The following ATP6AP1 variants were observed in gnomAD, a reference collection of about 807,000 sequenced individuals.
ATP6AP1 encodes the protein V-type proton ATPase subunit S1.
Under a neutral mutation model 32.0 loss-of-function variants are expected in ATP6AP1, and 1 was observed. The ratio of observed to expected loss-of-function variants is 0.03; its 90% CI spans 0.01 to 0.15. ATP6AP1 has a LOEUF of 0.15. Ranked by LOEUF, ATP6AP1 falls within the 10% of genes least tolerant of loss-of-function variation. The pLI, the probability that ATP6AP1 is intolerant of heterozygous loss-of-function variation, is 1.00. For synonymous variants in ATP6AP1, 187 were observed against 174.9 expected, an observed-to-expected ratio of 1.07 and a Z score of -0.55; for missense variants, 297 against 398.8, an observed-to-expected ratio of 0.74 and a Z score of 2.17.
In ATP6AP1 at chrX:154,431,548, G is replaced by A. The variant is rs138749763; in HGVS notation, c.289-282G>A. On this transcript the variant is annotated intron_variant, in intron 2 of 9. Coordinates refer to ENST00000369762, the MANE Select transcript of ATP6AP1 (RefSeq NM_001183.6). ...CTCTTGTCTGTAGGGTGGGCAAGGC[G>A]GCTGACTCCTACTCCTGAGTTACCA... The A allele has an allele frequency of 8.0e-3, 2,195 of 273,083 alleles. 61 individuals carry two copies. Among genetic ancestry groups the A allele is most frequent in the African/African-American group, 0.06 (2,056 of 34,074 alleles). The allele number at this position is 273,083 out of a possible 1,213,427, so 22.5% of individuals were successfully genotyped here. A position where few individuals can be genotyped will look rare whatever the true frequency, so the allele number is the denominator to read the frequency against.
intron 5 of ATP6AP1, among the ~76,000 whole-genome samples, chrX:154,433,220 A>C (rs868929095): frequency 2.7e-5 from 3 of 112,117 alleles, no homozygotes; most frequent in Non-Finnish European, 5.6e-5. Context: ...CTGTGGAGCC[A>C]GTTTCTGTGC....
chrX:154,429,183 GC>G lies in ATP6AP1; in HGVS notation c.288+13del. On this transcript the variant is annotated intron_variant, in intron 2 of 9. Coordinates refer to ENST00000369762, the MANE Select transcript of ATP6AP1 (RefSeq NM_001183.6). ...TGTTCCTGCAGGACAAGGTGCGCCC[GC>G]CCCAGCCCACTCTCCCCCGGTCATC... The G allele has an allele frequency of 8.3e-7, 1 of 1,209,314 alleles. No homozygotes were observed. The highest frequency in any genetic ancestry group is 1.1e-6 in the Non-Finnish European group (1 of 894,217).
At chrX:154,431,588 G>A (rs782763693) in intron 2 of ATP6AP1, 15 of 385,048 alleles carry the variant, frequency 3.9e-5, no homozygotes, top group Non-Finnish European at 6.7e-5. Flanking sequence ...TCAGCTGCCT[G>A]CAGATCTCCC....
Position 154,431,431 on chromosome X carries a change from C to T in ATP6AP1, c.289-399C>T, listed in dbSNP as rs199721243. ...GGGTCCCGTCCAGACTGGACATAGCCGACTCTCCTTTTCTCTGGCTGGGAG... is the reference window on the plus strand; with the variant it reads ...GGGTCCCGTCCAGACTGGACATAGCTGACTCTCCTTTTCTCTGGCTGGGAG... On this transcript the variant is annotated intron_variant, in intron 2 of 9. Coordinates refer to ENST00000369762, the MANE Select transcript of ATP6AP1 (RefSeq NM_001183.6). 1.4e-4 allele frequency: 24 copies of T among 174,966 alleles called. No homozygotes were observed. In the East Asian group the frequency reaches 2.8e-3, roughly 20 times the overall value. The allele number at this position is 174,966 out of a possible 1,213,427, so 14.4% of individuals were successfully genotyped here. A position where few individuals can be genotyped will look rare whatever the true frequency, so the allele number is the denominator to read the frequency against.
At position 154,435,333 on chromosome X, in the gene ATP6AP1, G is replaced by T. The variant is rs781936333; in HGVS notation, c.1031G>T (p.Arg344Leu). The T allele has an allele frequency of 2.5e-6, 3 of 1,211,885 alleles. No individual in the cohort carries two copies. Among genetic ancestry groups the T allele is most frequent in the East Asian group, 5.9e-5 (2 of 33,851 alleles). ...GCCCGGCACTGGTTTACCATGGAGC[G>T]CCTCGAAGTCCACAGCAATGGCTCC... ...VSARHWFTME[R>L]LEVHSNGSVA... Residue 344 changes from arginine to leucine, a missense_variant, in exon 9 of 10, where the codon CGC becomes CTC. Physicochemically the swap from Arg to Leu is moderately radical, Grantham distance 102. This residue lies in a region of ATP6AP1 where 155 missense variants were observed against 253.8 expected (regional missense o/e 0.61). Transcript: ENST00000369762.
At chrX:154,434,164 T>C (rs782103425) in intron 6 of ATP6AP1, 44 bp from the exon 7 acceptor site, 1 of 1,171,126 alleles carries the variant, frequency 8.5e-7, no homozygotes, top group African/African-American at 1.8e-5. Flanking sequence ...AGTGTGACAC[T>C]CTCCCAGGGC....
intron 5 of ATP6AP1, 65 bp from the exon 6 acceptor site, chrX:154,433,570 G>C (rs2068704869): frequency 9.5e-7 from 1 of 1,048,018 alleles, no homozygotes; most frequent in Non-Finnish European, 1.3e-6. Context: ...AGCAGACAGT[G>C]GGGAGTGTTT....
At chrX:154,435,645 A>G in intron 9 of ATP6AP1, 37 bp from the exon 10 acceptor site, 1 of 1,202,970 alleles carries the variant, frequency 8.3e-7, no homozygotes, top group Middle Eastern at 2.3e-4. Flanking sequence ...TGGGCCTCCC[A>G]ACGGTCCTTT....
rs113612593 is a variant in ATP6AP1 at position 154,435,026 on chromosome X, G to A, written c.924-113G>A. 98,096 of 823,745 alleles carry A rather than the reference G, an allele frequency of 0.12. 4,551 individuals carry two copies. The highest frequency in any genetic ancestry group is 0.2 in the African/African-American group (9,570 of 47,440). The allele number at this position is 823,745 out of a possible 1,213,427, so 67.9% of individuals were successfully genotyped here. On this transcript the variant is annotated intron_variant, in intron 7 of 9. Transcript: ENST00000369762. ...AGTGGGGACACTGCTTCTTCAGGTG[G>A]CTGCAAGGACCCAAGGCAGCTTAGG...
intron 2 of ATP6AP1, chrX:154,430,057 C>G (rs2068685421): frequency 9.0e-6 from 1 of 111,151 alleles, no homozygotes; most frequent in Admixed American, 9.5e-5. Context: ...GTTTCTACAT[C>G]TGTAAAATGA....
chrX:154,432,316 G>A lies in ATP6AP1; in HGVS notation c.414G>A (p.Trp138Ter). The stretch of plus-strand genomic sequence containing the variant: ...CACTGGTGCTTCCTGCCGTCGACTG[G>A]TATGCAGTCAGCACTCTGACCACTT... ...PSSLVLPAVDWYAVSTLTTYL... is the reference protein window; with the variant it reads ...PSSLVLPAVD Residue 138 changes from tryptophan (W) to a stop codon, truncating the protein, a stop_gained, in exon 4 of 10, where the codon TGG (tryptophan) becomes TGA (stop). Coordinates refer to ENST00000369762, the MANE Select transcript of ATP6AP1 (RefSeq NM_001183.6). LOFTEE classifies it high-confidence loss of function. 1 of 1,212,192 alleles carries A rather than the reference G, an allele frequency of 8.2e-7. No homozygotes were observed. The highest frequency in any genetic ancestry group is 1.1e-6 in the Non-Finnish European group (1 of 895,511).
At position 154,435,799 on chromosome X, in the gene ATP6AP1, A is replaced by G; in HGVS notation, c.1321A>G (p.Thr441Ala). Residue 441 changes from threonine to alanine, a missense_variant, in exon 10 of 10, where the codon ACC (threonine) becomes GCC (alanine). By Grantham distance (58) the Thr-to-Ala change is moderately conservative. Transcript: ENST00000369762. ...CTCCCTGTTCATGCTCTTCATCTTC[A>G]CCTATGGCCTGCACATGATCCTCAG... ...LTSLFMLFIF[T>A]YGLHMILSLK... 8.3e-7 allele frequency: 1 copy of G among 1,210,899 alleles called. No homozygotes were observed. The highest frequency in any genetic ancestry group is 1.1e-6 in the Non-Finnish European group (1 of 895,198).
Position 154,435,948 on chromosome X carries a change from C to T in ATP6AP1, c.*57C>T. On this transcript the variant is annotated 3_prime_UTR_variant, in exon 10 of 10. Transcript: ENST00000369762. ...CGGTGTCCGTGTTGTTGCTTTCCCA[C>T]CCTGCAGCGCACTGGACTGAAGAGC... is the stretch of plus-strand genomic sequence containing the variant. 2.8e-6 allele frequency: 3 copies of T among 1,070,349 alleles called. No individual in the cohort carries two copies. The highest frequency in any genetic ancestry group is 2.2e-5 in the Admixed American group (1 of 45,665). The allele number at this position is 1,070,349 out of a possible 1,213,427, so 88.2% of individuals were successfully genotyped here. A position where few individuals can be genotyped will look rare whatever the true frequency, so the allele number is the denominator to read the frequency against.
chrX:154,429,804 C>T (rs1386718092), intron 2 of ATP6AP1: 1 of 112,335 alleles, frequency 8.9e-6, no homozygotes, highest in Non-Finnish European at 1.9e-5. Context: ...GGATCTTTGC[C>T]CCAAAAGCAG....
chrX:154,432,546 T>C, intron 4 of ATP6AP1, 87 bp downstream of exon 4: 1 of 1,064,347 alleles, frequency 9.4e-7, no homozygotes, highest in Non-Finnish European at 1.2e-6. Flanking sequence ...ACCGTTTGGC[T>C]AAAGATGCCA....
Position 154,428,759 on chromosome X carries a change from A to G in ATP6AP1, c.67A>G (p.Met23Val). ...GPRCAQALWR[M>V]PWLPVFLSLA... is the part of the protein sequence containing the mutation. ...GCGGTGCGCCCAGGCGCTCTGGCGC[A>G]TGCCGTGGCTGCCGGTGTTTTTGTC... Residue 23 changes from methionine (M) to valine (V), a missense_variant, in exon 1 of 10, where the codon ATG becomes GTG. By Grantham distance (21) the Met-to-Val change is conservative. Around this residue, in one of 2 missense-constraint regions of ATP6AP1, gnomAD observed 142 missense variants for 145.0 expected, o/e 0.98. Transcript: ENST00000369762. The G allele has an allele frequency of 8.8e-7, 1 of 1,136,627 alleles. No individual in the cohort carries two copies. The highest frequency in any genetic ancestry group is 2.5e-4 in the Middle Eastern group (1 of 4,070). The allele number at this position is 1,136,627 out of a possible 1,213,427, so 93.7% of individuals were successfully genotyped here.
Position 154,429,218 on chromosome X carries a change from G to T in ATP6AP1, c.288+44G>T, listed in dbSNP as rs782078877. The T allele has an allele frequency of 1.0e-5, 12 of 1,195,097 alleles. No individual in the cohort carries two copies. In the East Asian group the frequency reaches 1.8e-4, roughly 18 times the overall value. On this transcript the variant is annotated intron_variant, in intron 2 of 9. Transcript: ENST00000369762. ...ACTCTCCCCCGGTCATCGGGAGGCA[G>T]CCAGGCCCCCTCCCCCCATGACACT...
At chrX:154,435,557 TGAGA>T in intron 9 of ATP6AP1, 52 bp downstream of exon 9, 3 of 1,188,981 alleles carry the variant, frequency 2.5e-6, no homozygotes, top group Non-Finnish European at 3.4e-6. Flanking sequence ...GGCTAGTGGT[TGAGA>T]GACGAAGAGA....
chrX:154,433,879 T>C (rs1363298105), intron 6 of ATP6AP1, among the ~76,000 whole-genome samples, 159 bp downstream of exon 6: 3 of 110,939 alleles, frequency 2.7e-5, no homozygotes, highest in Non-Finnish European at 5.7e-5. Context: ...CTATTTGGAG[T>C]GGCTGACTCT....
Sources: gnomAD v4.1 joint callset for allele counts (sites outside exome capture counted in the v4.1 genomes callset) on GRCh38, gnomAD v4.1.1 for gene constraint, gnomAD v4.1.1 regional missense constraint, MANE v1.5 for transcripts, NCBI Gene and HGNC (gene_info 2026-07-23, HGNC 2026-07-21) for gene names.